Variants in ANO10 observed in about 807,000 individuals in gnomAD.
ANO10 encodes anoctamin-10.
Under a neutral mutation model 74.7 loss-of-function variants are expected in ANO10, and 77 were observed. The observed-to-expected ratio is 1.03, with a 90% confidence interval of 0.86 to 1.25. The LOEUF (loss-of-function observed/expected upper bound fraction) is 1.25. ANO10 is among the 50% of genes most tolerant of loss of function. The pLI, the probability that ANO10 is intolerant of heterozygous loss-of-function variation, is 0.00. For missense variants in ANO10, 721 were observed against 778.1 expected (o/e 0.93, Z 0.87); for synonymous variants, 279 against 284.9 (o/e 0.98, Z 0.21).
At chr3:43,653,410 G>T (rs1012037671) in intron 1 of ANO10, among the ~76,000 whole-genome samples, 1 of 152,170 alleles carries the variant, frequency 6.6e-6, no homozygotes, top group African/African-American at 2.4e-5. Context: ...AGATTTGAAA[G>T]AAGTAAAATA....
At chr3:43,413,976 C>G (rs2092702293) in intron 12 of ANO10, among the ~76,000 whole-genome samples, 1 of 151,844 alleles carries the variant, frequency 6.6e-6, no homozygotes, top group Non-Finnish European at 1.5e-5. Flanking sequence ...GCTTCCCAGG[C>G]AGGAATTCTG....
At position 43,512,844 on chromosome 3, in the gene ANO10, C is replaced by T. The variant is rs1006519316; in HGVS notation, c.1797+36876G>A. On this transcript the variant is annotated intron_variant, in intron 11 of 12. Transcript: ENST00000292246. ...CACTTTCAAGACACTGGACATCAGG[C>T]AGTGAAGAACTGTGGTTCCTGATGG... 2.6e-5 allele frequency among the ~76,000 whole-genome samples: 4 copies of T among 152,066 alleles called. No individual in the cohort carries two copies. The East Asian group carries it at 7.7e-4, about 29-fold the overall frequency.
intron 8 of ANO10, among the ~76,000 whole-genome samples, chr3:43,562,718 C>A (rs12374079): frequency 0.6 from 90,656 of 151,530 alleles, 27,837 homozygotes; most frequent in East Asian, 0.89. Flanking sequence ...AGAAAAAACA[C>A]CCTCTTCAAT....
chr3:43,513,472 AAT>A (rs2077588193), intron 11 of ANO10, among the ~76,000 whole-genome samples: 1 of 152,164 alleles, frequency 6.6e-6, no homozygotes, highest in South Asian at 2.1e-4. Context: ...AAAAAGGAAA[AAT>A]ATGGAATTTC....
At chr3:43,416,202 T>G (rs543598460) in intron 12 of ANO10, among the ~76,000 whole-genome samples, 1 of 152,318 alleles carries the variant, frequency 6.6e-6, no homozygotes, top group East Asian at 1.9e-4. Flanking sequence ...TTCAGAAATA[T>G]TCAAACAAAA....
chr3:43,554,312 G>T (rs1375405969), intron 10 of ANO10, among the ~76,000 whole-genome samples: 3 of 151,322 alleles, frequency 2.0e-5, no homozygotes, highest in African/African-American at 7.3e-5. Context: ...TTCTGCCTCA[G>T]CCTCCTGAGT....
chr3:43,678,908 C>T (rs2084158011), intron 1 of ANO10, among the ~76,000 whole-genome samples: 1 of 152,124 alleles, frequency 6.6e-6, no homozygotes, highest in Non-Finnish European at 1.5e-5. Context: ...TTTCATCTTG[C>T]CAGTTTTAGT....
chr3:43,566,563 C>G (rs565143165), intron 7 of ANO10, among the ~76,000 whole-genome samples: 9 of 152,214 alleles, frequency 5.9e-5, no homozygotes, highest in Non-Finnish European at 1.2e-4. Context: ...GAGGCACCCC[C>G]CAGCAGGGGT....
At position 43,561,249 on chromosome 3, in the gene ANO10, T is replaced by G. The variant is rs530875978; in HGVS notation, c.1447A>C (p.Ile483Leu). ...TAAGTTCCCATTTCTTTTTCCAGGA[T>G]GACTTGTTCATATAATGTAGCATCA... is the stretch of plus-strand genomic sequence containing the variant. The part of the protein sequence containing the change: ...DIDATLYEQV[I>L]LEKEMGTYLG... Residue 483 changes from isoleucine to leucine, a missense_variant, in exon 9 of 13, where the codon ATC becomes CTC. Ile to Leu is a conservative substitution (Grantham distance 5). Coordinates refer to ENST00000292246, the MANE Select transcript of ANO10 (RefSeq NM_018075.5). 1 of 1,614,204 alleles carries G rather than the reference T, an allele frequency of 6.2e-7. No individual in the cohort carries two copies. The highest frequency in any genetic ancestry group is 2.2e-5 in the East Asian group (1 of 44,872).
intron 1 of ANO10, among the ~76,000 whole-genome samples, chr3:43,688,085 C>A (rs1160779973): frequency 6.6e-6 from 1 of 152,150 alleles, no homozygotes; most frequent in African/African-American, 2.4e-5. Flanking sequence ...ATCATGAAGT[C>A]CTGTAGTCCT....
intron 12 of ANO10, among the ~76,000 whole-genome samples, chr3:43,405,245 T>C (rs554804634): frequency 1.3e-5 from 2 of 152,318 alleles, no homozygotes; most frequent in East Asian, 1.9e-4. Flanking sequence ...TGTAAACACC[T>C]GAGTCCCAAG....
intron 1 of ANO10, among the ~76,000 whole-genome samples, chr3:43,670,831 T>C (rs2149577284): frequency 6.6e-6 from 1 of 152,298 alleles, no homozygotes; most frequent in Non-Finnish European, 1.5e-5. Context: ...TCAACTGCCC[T>C]ACAACAGATG....
Position 43,511,890 on chromosome 3 carries a change from C to T in ANO10, c.1797+37830G>A, listed in dbSNP as rs1010662654. Among the ~76,000 whole-genome samples, 9 of 152,338 alleles carry T rather than the reference C, an allele frequency of 5.9e-5. No individual in the cohort carries two copies. The East Asian group carries it at 7.7e-4, about 13-fold the overall frequency. On this transcript the variant is annotated intron_variant, in intron 11 of 12. Coordinates refer to ENST00000292246, the MANE Select transcript of ANO10 (RefSeq NM_018075.5). ...GCTCCAGGCAGCCCTCAGGGCACTGCCTTGCTCCAAGGTGTTTTCCTGAGC... is the reference window on the plus strand; with the variant it reads ...GCTCCAGGCAGCCCTCAGGGCACTGTCTTGCTCCAAGGTGTTTTCCTGAGC...
At chr3:43,372,910 T>C in intron 12 of ANO10, 1 of 1,479,442 alleles carries the variant, frequency 6.8e-7, no homozygotes, top group African/African-American at 1.4e-5. Flanking sequence ...CCGATGAACT[T>C]GTGAAGCCTC....
chr3:43,394,699 G>C (rs1276143710), intron 12 of ANO10, among the ~76,000 whole-genome samples: 1 of 152,214 alleles, frequency 6.6e-6, no homozygotes, highest in Non-Finnish European at 1.5e-5. Flanking sequence ...AAACGCAACA[G>C]TGGTTAAGAG....
At chr3:43,598,028 A>G (rs527255649) in intron 4 of ANO10, among the ~76,000 whole-genome samples, 109 of 152,328 alleles carry the variant, frequency 7.2e-4, no homozygotes, top group African/African-American at 7.9e-4. Context: ...CTTTGCCACT[A>G]TCTGGGTTTG....
At chr3:43,485,054 A>T (rs917083041) in intron 11 of ANO10, 1 of 1,357,468 alleles carries the variant, frequency 7.4e-7, no homozygotes. Context: ...CAGGAACTTG[A>T]TCTTGGAGTC....
In ANO10 at chr3:43,634,875, T is replaced by C. The variant is rs554503265; in HGVS notation, c.-11-29012A>G. 3.3e-5 allele frequency among the ~76,000 whole-genome samples: 5 copies of C among 152,292 alleles called. No individual in the cohort carries two copies. The South Asian group carries it at 1.0e-3, about 32-fold the overall frequency. On this transcript the variant is annotated intron_variant, in intron 1 of 3. Coordinates refer to the ANO10 transcript ENST00000413397. ...GAGAGGATTGATGGCAGATGTGGTATGTGAGCTGGTCTGATGAAAGGAGAT... is the reference window on the plus strand; with the variant it reads ...GAGAGGATTGATGGCAGATGTGGTACGTGAGCTGGTCTGATGAAAGGAGAT...
chr3:43,649,635 A>G (rs2083765558), intron 1 of ANO10, among the ~76,000 whole-genome samples: 1 of 152,242 alleles, frequency 6.6e-6, no homozygotes, highest in South Asian at 2.1e-4. Flanking sequence ...AGATTTGAGC[A>G]AAGTGAAAGT....
Sources: allele counts gnomAD v4.1 joint callset (sites outside exome capture counted in the v4.1 genomes callset), GRCh38; gene constraint gnomAD v4.1.1; transcripts MANE v1.5; gene names NCBI Gene and HGNC (gene_info 2026-07-23, HGNC 2026-07-21).